ASIC2: variants seen among roughly 807,000 people sequenced by gnomAD.
ASIC2 encodes acid sensing ion channel subunit 2.
Under a neutral mutation model 57.3 loss-of-function variants are expected in ASIC2, and 25 were observed. The observed-to-expected ratio is 0.44, with a 90% CI of 0.32 to 0.61. The LOEUF is 0.61. Among genes scored for constraint, ASIC2 ranks in the 20% least tolerant of loss-of-function variants. The probability of loss-of-function intolerance (pLI) is 0.06; values close to 1 mark genes in which losing one functional copy is unlikely to be tolerated. For synonymous variants in ASIC2, 319 were observed against 307.5 expected (o/e 1.04, Z -0.39); for missense variants, 641 against 738.1 (o/e 0.87, Z 1.52).
At chr17:33,506,619 C>T (rs1236020252) in intron 1 of ASIC2, among the ~76,000 whole-genome samples, 2 of 152,124 alleles carry the variant, frequency 1.3e-5, no homozygotes, top group Non-Finnish European at 2.9e-5. Flanking sequence ...TGTAGTGTAG[C>T]ATTATGAGAA....
intron 1 of ASIC2, among the ~76,000 whole-genome samples, chr17:33,404,099 A>G (rs1484412058): frequency 1.3e-5 from 2 of 152,240 alleles, no homozygotes; most frequent in African/African-American, 4.8e-5. Context: ...CAGCAGCTTG[A>G]GTTGCCAAGT....
At chr17:33,579,665 T>A (rs987830781) in intron 1 of ASIC2, among the ~76,000 whole-genome samples, 3 of 152,190 alleles carry the variant, frequency 2.0e-5, no homozygotes, top group African/African-American at 7.2e-5. Flanking sequence ...GGGCTCCTGG[T>A]CTGGCAGACT....
intron 1 of ASIC2, among the ~76,000 whole-genome samples, chr17:33,598,616 A>G (rs1181681594): frequency 6.6e-6 from 1 of 152,178 alleles, no homozygotes; most frequent in Non-Finnish European, 1.5e-5. Flanking sequence ...TGGACAGACA[A>G]TTCCCCACTT....
intron 1 of ASIC2, among the ~76,000 whole-genome samples, chr17:34,019,116 G>A (rs551823032): frequency 2.0e-5 from 3 of 152,124 alleles, no homozygotes; most frequent in African/African-American, 7.2e-5. Flanking sequence ...CGCTGTGTTA[G>A]CCAGGATGGT....
intron 1 of ASIC2, among the ~76,000 whole-genome samples, chr17:33,933,764 G>A (rs756547372): frequency 6.6e-5 from 10 of 152,224 alleles, no homozygotes; most frequent in Non-Finnish European, 1.2e-4. Context: ...GGTCTCACTC[G>A]TTCATACTCC....
chr17:33,046,608 C>G (rs1167701587), intron 3 of ASIC2, among the ~76,000 whole-genome samples: 1 of 152,102 alleles, frequency 6.6e-6, no homozygotes, highest in Non-Finnish European at 1.5e-5. Flanking sequence ...CAGCCATGCT[C>G]CCCCACCACA....
chr17:33,308,636 A>G (rs781493220), intron 1 of ASIC2, among the ~76,000 whole-genome samples: 8 of 152,358 alleles, frequency 5.3e-5, no homozygotes, highest in Non-Finnish European at 1.0e-4. Flanking sequence ...GATGAATGAA[A>G]AAAAGGAAGG....
At chr17:33,099,237 G>A (rs182330384) in intron 2 of ASIC2, among the ~76,000 whole-genome samples, 87 of 151,970 alleles carry the variant, frequency 5.7e-4, no homozygotes, top group African/African-American at 1.9e-3. Context: ...GGCTGGTCTC[G>A]AACTCCTGAC....
At chr17:33,672,777 A>T (rs1260849474) in intron 1 of ASIC2, among the ~76,000 whole-genome samples, 1 of 152,178 alleles carries the variant, frequency 6.6e-6, no homozygotes, top group Non-Finnish European at 1.5e-5. Context: ...AGCATTTAGG[A>T]CTACCAGGAA....
intron 1 of ASIC2, among the ~76,000 whole-genome samples, chr17:33,254,276 C>T (rs1908982406): frequency 6.6e-6 from 1 of 152,182 alleles, no homozygotes; most frequent in Non-Finnish European, 1.5e-5. Flanking sequence ...ATAATCCTCT[C>T]TCTACCTCCA....
At position 33,580,732 on chromosome 17, in the gene ASIC2, G is replaced by A. The variant is rs143425408; in HGVS notation, c.556-468665C>T. ...GTCAGTGGGATCTCACTCTTGCTGCGTCTCAGCTAATATAAGATAAGGTGG... is the reference window on the plus strand; with the variant it reads ...GTCAGTGGGATCTCACTCTTGCTGCATCTCAGCTAATATAAGATAAGGTGG... On this transcript the variant is annotated intron_variant, in intron 1 of 9. Coordinates refer to the ASIC2 transcript ENST00000359872. Among the ~76,000 whole-genome samples the A allele has an allele frequency of 4.7e-3, 710 of 152,218 alleles. 3 individuals are homozygous for A. The highest frequency in any genetic ancestry group is 0.012 in the East Asian group (63 of 5,170).
chr17:33,937,599 A>G (rs1916095826), intron 1 of ASIC2, among the ~76,000 whole-genome samples: 1 of 152,112 alleles, frequency 6.6e-6, no homozygotes, highest in Non-Finnish European at 1.5e-5. Context: ...TCAATATTCA[A>G]TGTCATTTCC....
intron 1 of ASIC2, among the ~76,000 whole-genome samples, chr17:33,923,580 A>C (rs964454594): frequency 6.6e-6 from 1 of 152,132 alleles, no homozygotes; most frequent in Admixed American, 6.5e-5. Context: ...TGGACCTTAC[A>C]ATTATTTATA....
intron 1 of ASIC2, among the ~76,000 whole-genome samples, chr17:33,799,383 TTTC>T (rs1293745454): frequency 6.4e-4 from 18 of 28,216 alleles, no homozygotes; most frequent in African/African-American, 1.0e-3. Context: ...TCTTCCTTTC[TTTC>T]TTTCTTTCTT....
intron 3 of ASIC2, among the ~76,000 whole-genome samples, chr17:33,040,336 A>G (rs1396447966): frequency 6.6e-6 from 1 of 152,224 alleles, no homozygotes; most frequent in Non-Finnish European, 1.5e-5. Flanking sequence ...CTAGCATCCA[A>G]CAGTTTGACC....
At chr17:33,272,100 T>C (rs1313964455) in intron 1 of ASIC2, among the ~76,000 whole-genome samples, 1 of 152,228 alleles carries the variant, frequency 6.6e-6, no homozygotes, top group East Asian at 1.9e-4. Flanking sequence ...CCCTATCATT[T>C]TGATCTTGGC....
At chr17:33,150,518 T>G (rs1214042806) in intron 1 of ASIC2, among the ~76,000 whole-genome samples, 2 of 152,236 alleles carry the variant, frequency 1.3e-5, no homozygotes, top group African/African-American at 4.8e-5. Flanking sequence ...TTCCAAGGTC[T>G]TATTATTGAT....
At chr17:33,573,215 G>T (rs1567655011) in intron 1 of ASIC2, among the ~76,000 whole-genome samples, 2 of 152,168 alleles carry the variant, frequency 1.3e-5, no homozygotes, top group Non-Finnish European at 2.9e-5. Context: ...TCCTTTCTCA[G>T]ATTTCCTGCT....
chr17:33,560,742 C>A (rs1916047597), intron 1 of ASIC2, among the ~76,000 whole-genome samples: 1 of 152,188 alleles, frequency 6.6e-6, no homozygotes, highest in Non-Finnish European at 1.5e-5. Flanking sequence ...TGGGTGAGGG[C>A]AGACTGCTTG....
Sources: allele counts gnomAD v4.1 joint callset (sites outside exome capture counted in the v4.1 genomes callset), GRCh38; gene constraint gnomAD v4.1.1; transcripts MANE v1.5; gene names NCBI Gene and HGNC (gene_info 2026-07-23, HGNC 2026-07-21).